The following COL8A2 variants were observed in gnomAD, a reference collection of about 807,000 sequenced individuals.
COL8A2 encodes collagen type VIII alpha 2 chain.
A neutral mutation model predicts 24.0 loss-of-function variants in COL8A2; 16 were observed. The ratio of observed to expected loss-of-function variants is 0.67; its 90% CI spans 0.45 to 1.01. COL8A2 has a LOEUF of 1.01. COL8A2 is among the 50% of genes least tolerant of loss of function. The pLI, the probability that COL8A2 is intolerant of heterozygous loss-of-function variation, is 0.00. For synonymous variants in COL8A2, 466 were observed against 424.5 expected (o/e 1.10, Z -1.20); for missense variants, 818 against 942.4 (o/e 0.87, Z 1.73).
Position 36,106,027 on chromosome 1 carries a change from T to C in COL8A2, c.-16-5769A>G, listed in dbSNP as rs1264635885. ...GTGGCTCACCTGTAATCCCAGCATT[T>C]TGGGAGGCCGAGGCAGGCGGATCAC... On this transcript the variant is annotated intron_variant, in intron 2 of 3. Coordinates refer to ENST00000397799, the MANE Select transcript of COL8A2 (RefSeq NM_005202.4). Among the ~76,000 whole-genome samples the C allele has an allele frequency of 3.3e-5, 5 of 150,538 alleles. No individual in the cohort carries two copies. The East Asian group carries it at 9.7e-4, about 29-fold the overall frequency.
chr1:36,114,171 T>A (rs1643868219), intron 2 of COL8A2, among the ~76,000 whole-genome samples: 3 of 150,014 alleles, frequency 2.0e-5, no homozygotes, highest in Admixed American at 1.3e-4. Context: ...ACAAAAAAAT[T>A]AGCTGGGCGT....
Position 36,097,704 on chromosome 1 carries a change from T to A in COL8A2, c.1977A>T (p.Ala659=). 3.8e-6 allele frequency: 6 copies of A among 1,573,004 alleles called. No individual in the cohort carries two copies. Among genetic ancestry groups the A allele is most frequent in the Non-Finnish European group, 4.3e-6 (5 of 1,156,270 alleles). The stretch of plus-strand genomic sequence containing the variant: ...GCAGCTGGAGCACGGCCCCACCAGA[T>A]GCCTGGTCCAGGTAGCCCTTCTTGT... ...DEYKKGYLDQ[A]SGGAVLQLRP... Residue 659 remains alanine, a synonymous_variant, in exon 4 of 4, where the codon GCA becomes GCT. Coordinates refer to ENST00000397799, the MANE Select transcript of COL8A2 (RefSeq NM_005202.4).
rs1255609300 is a variant in COL8A2 at position 36,098,640 on chromosome 1, C to T, written c.1041G>A (p.Glu347=). Residue 347 remains glutamate, a synonymous_variant, in exon 4 of 4, where the codon GAG becomes GAA. Transcript: ENST00000397799. ...GDRGEPGEDG[E]PGEQGPQGLG... The stretch of plus-strand genomic sequence containing the variant: ...GACCCTGTGGGCCCTGCTCCCCTGG[C>T]TCCCCATCCTCCCCTGGCTCACCCC... The T allele has an allele frequency of 6.2e-7, 1 of 1,610,862 alleles. No homozygotes were observed. The highest frequency in any genetic ancestry group is 8.5e-7 in the Non-Finnish European group (1 of 1,179,386).
intron 1 of COL8A2, among the ~76,000 whole-genome samples, chr1:36,117,472 G>A (rs1481358585): frequency 6.6e-6 from 1 of 152,192 alleles, no homozygotes; most frequent in African/African-American, 2.4e-5. Context: ...ATGTGTGAGA[G>A]TGTAAAAGCC....
At chr1:36,102,896 C>T (rs1369979538) in intron 2 of COL8A2, among the ~76,000 whole-genome samples, 7 of 152,046 alleles carry the variant, frequency 4.6e-5, no homozygotes, top group Admixed American at 3.9e-4. Flanking sequence ...TGGTCTTGAA[C>T]TCCTGACCTC....
chr1:36,122,213 C>A (rs955270727), intron 1 of COL8A2, among the ~76,000 whole-genome samples: 3 of 152,186 alleles, frequency 2.0e-5, no homozygotes, highest in African/African-American at 7.2e-5. Flanking sequence ...CAAAACAACT[C>A]TGGAGACCAG....
chr1:36,097,486 T>A lies in COL8A2; in HGVS notation c.*83A>T. 1.7e-6 allele frequency: 2 copies of A among 1,204,282 alleles called. No individual in the cohort carries two copies. Among genetic ancestry groups the A allele is most frequent in the Non-Finnish European group, 2.4e-6 (2 of 849,810 alleles). 74.6% of individuals were successfully genotyped at this position (1,204,282 alleles called of 1,614,324 possible). A position where few individuals can be genotyped will look rare whatever the true frequency, so the allele number is the denominator to read the frequency against. On this transcript the variant is annotated 3_prime_UTR_variant, in exon 4 of 4. Coordinates refer to ENST00000397799, the MANE Select transcript of COL8A2 (RefSeq NM_005202.4). Reference sequence around the variant, plus strand: ...CGCCTCTGTTCAGCTTTTGTTTTTTTTTCCAGGAGGTTCTTTGTAATTGAA... The same window carrying A: ...CGCCTCTGTTCAGCTTTTGTTTTTTATTCCAGGAGGTTCTTTGTAATTGAA...
At chr1:36,104,258 G>A (rs1369298156) in intron 2 of COL8A2, among the ~76,000 whole-genome samples, 2 of 151,980 alleles carry the variant, frequency 1.3e-5, no homozygotes, top group African/African-American at 2.4e-5. Context: ...TTGGGAGGCC[G>A]AGGCGAGTGG....
At chr1:36,108,049 ACTC>A (rs1483902134) in intron 2 of COL8A2, among the ~76,000 whole-genome samples, 1 of 152,020 alleles carries the variant, frequency 6.6e-6, no homozygotes, top group Non-Finnish European at 1.5e-5. Flanking sequence ...TGTTTGATGA[ACTC>A]AATTCACCAT....
At chr1:36,122,658 C>T (rs1010742087) in intron 1 of COL8A2, among the ~76,000 whole-genome samples, 22 of 152,258 alleles carry the variant, frequency 1.4e-4, no homozygotes, top group African/African-American at 5.1e-4. Context: ...CCTCTCATCC[C>T]CATGGCAACC....
At chr1:36,108,532 T>G (rs1276954431) in intron 2 of COL8A2, among the ~76,000 whole-genome samples, 2 of 152,138 alleles carry the variant, frequency 1.3e-5, no homozygotes. Flanking sequence ...CGGCCTCGGG[T>G]AGATGCAGTG....
intron 1 of COL8A2, among the ~76,000 whole-genome samples, chr1:36,124,543 C>CTA (rs1643937027): frequency 6.6e-6 from 1 of 152,024 alleles, no homozygotes; most frequent in African/African-American, 2.4e-5. Context: ...GACAGGGCAC[C>CTA]TAGAATAGGA....
chr1:36,110,591 G>T (rs146131682), intron 2 of COL8A2, among the ~76,000 whole-genome samples: 1 of 152,228 alleles, frequency 6.6e-6, no homozygotes, highest in East Asian at 1.9e-4. Context: ...CTGAGTGTAA[G>T]CATTTCTCCT....
At chr1:36,105,494 C>T (rs760472496) in intron 2 of COL8A2, among the ~76,000 whole-genome samples, 3 of 152,234 alleles carry the variant, frequency 2.0e-5, no homozygotes, top group Non-Finnish European at 2.9e-5. Flanking sequence ...ACAGGCTGCC[C>T]GCCTCACCTT....
At position 36,097,872 on chromosome 1, in the gene COL8A2, G is replaced by T. The variant is rs139081156; in HGVS notation, c.1809C>A (p.Ser603Arg). The change falls in exon 4 of 4, where the codon AGC becomes AGA. Residue 603 changes from serine (S) to arginine (R), a missense_variant. This residue lies in a region of COL8A2 where 235 missense variants were observed against 297.3 expected (regional missense o/e 0.79). Coordinates refer to ENST00000397799, the MANE Select transcript of COL8A2 (RefSeq NM_005202.4). ...KFDRTLYNGH[S>R]GYNPATGIFT... is the part of the protein sequence containing the mutation. ...AGATGCCAGTGGCTGGGTTGTAGCCGCTGTGGCCATTGTAGAGAGTCCGGT... is the reference window on the plus strand; with the variant it reads ...AGATGCCAGTGGCTGGGTTGTAGCCTCTGTGGCCATTGTAGAGAGTCCGGT... 1.2e-6 allele frequency: 2 copies of T among 1,612,492 alleles called. No individual in the cohort carries two copies. The highest frequency in any genetic ancestry group is 2.2e-5 in the East Asian group (1 of 44,888).
rs761318308 is a variant in COL8A2, at chr1:36,097,840, C to T, written c.1841G>A (p.Cys614Tyr). ...AAAGTAGTAGACGCCGCCCACAGGG[C>T]AGGTGAAGATGCCAGTGGCTGGGTT... ...GYNPATGIFT[C>Y]PVGGVYYFAY... The change falls in exon 4 of 4, where the codon TGC becomes TAC. Residue 614 changes from cysteine to tyrosine, a missense_variant. Around this residue, in one of 3 missense-constraint regions of COL8A2, gnomAD observed 235 missense variants for 297.3 expected, o/e 0.79. Transcript: ENST00000397799. 2.5e-6 allele frequency: 4 copies of T among 1,613,168 alleles called. No individual in the cohort carries two copies. Among genetic ancestry groups the T allele is most frequent in the African/African-American group, 2.7e-5 (2 of 74,944 alleles).
chr1:36,121,957 G>A (rs1051899152), intron 1 of COL8A2, among the ~76,000 whole-genome samples: 2 of 151,976 alleles, frequency 1.3e-5, no homozygotes, highest in Non-Finnish European at 2.9e-5. Flanking sequence ...CTAGCCCTCC[G>A]CCACCCCCAC....
chr1:36,124,725 T>A, intron 1 of COL8A2, among the ~76,000 whole-genome samples: 1 of 151,936 alleles, frequency 6.6e-6, no homozygotes, highest in East Asian at 1.9e-4. Flanking sequence ...ACTTTACAGG[T>A]GGGACGGGAG....
chr1:36,119,844 C>T (rs182370977), intron 1 of COL8A2, among the ~76,000 whole-genome samples: 2 of 152,310 alleles, frequency 1.3e-5, no homozygotes, highest in East Asian at 1.9e-4. Flanking sequence ...TTTCTCCTCA[C>T]CACAGGTTGT....
Sources: allele counts gnomAD v4.1 joint callset (sites outside exome capture counted in the v4.1 genomes callset), GRCh38; gene constraint gnomAD v4.1.1; regional missense constraint gnomAD v4.1.1; transcripts MANE v1.5; gene names NCBI Gene and HGNC (gene_info 2026-07-23, HGNC 2026-07-21).